Variants in PTPRT observed in about 807,000 individuals in gnomAD.
PTPRT encodes receptor-type tyrosine-protein phosphatase T.
A neutral mutation model predicts 176.8 loss-of-function variants in PTPRT; 56 were observed. The ratio of observed to expected loss-of-function variants is 0.32; its 90% CI spans 0.26 to 0.40. The LOEUF (loss-of-function observed/expected upper bound fraction) is 0.40, where lower values mean the gene tolerates loss of function less well. Ranked by LOEUF, PTPRT falls within the 10% of genes least tolerant of loss-of-function variation. The pLI, the probability that PTPRT is intolerant of heterozygous loss-of-function variation, is 1.00. For missense variants in PTPRT, 1,540 were observed against 1,908.2 expected (o/e 0.81, Z 3.60); for synonymous variants, 783 against 739.0 (o/e 1.06, Z -0.96).
intron 22 of PTPRT, among the ~76,000 whole-genome samples, chr20:42,114,107 A>T (rs1196616693): frequency 1.3e-5 from 2 of 152,244 alleles, no homozygotes; most frequent in African/African-American, 4.8e-5. Context: ...TTGCATCCTT[A>T]GGCCTGTGGC....
chr20:42,817,044 T>C (rs1375270643), intron 2 of PTPRT, among the ~76,000 whole-genome samples: 1 of 152,202 alleles, frequency 6.6e-6, no homozygotes, highest in East Asian at 1.9e-4. Context: ...TGAAGTAAAC[T>C]ATAGCATCTG....
At chr20:42,053,385 T>C in the PTPRT span, among the ~76,000 whole-genome samples, 10 of 152,138 alleles carry the variant, frequency 6.6e-5, no homozygotes, top group Non-Finnish European at 1.5e-5. Flanking sequence ...ATGCCTTCTG[T>C]TTCCCCACCT....
intron 9 of PTPRT, among the ~76,000 whole-genome samples, chr20:42,435,894 A>T (rs932107977): frequency 3.3e-5 from 5 of 152,180 alleles, no homozygotes; most frequent in African/African-American, 1.2e-4. Context: ...AATAAATATG[A>T]CTATGCATGG....
intron 1 of PTPRT, among the ~76,000 whole-genome samples, chr20:43,130,168 T>C (rs1007444934): frequency 6.6e-6 from 1 of 152,228 alleles, no homozygotes; most frequent in African/African-American, 2.4e-5. Context: ...CTTCATTTGT[T>C]TGTGCTCCTA....
At chr20:42,250,355 T>C (rs771865460) in intron 13 of PTPRT, among the ~76,000 whole-genome samples, 4 of 152,186 alleles carry the variant, frequency 2.6e-5, no homozygotes, top group Non-Finnish European at 2.9e-5. Flanking sequence ...TGGAAGCAAA[T>C]TGAGTTTTCT....
chr20:42,182,220 TG>T (rs1990554451), intron 16 of PTPRT, among the ~76,000 whole-genome samples: 1 of 152,204 alleles, frequency 6.6e-6, no homozygotes, highest in South Asian at 2.1e-4. Context: ...TTACTTCATC[TG>T]GAGGGCAATG....
intron 7 of PTPRT, among the ~76,000 whole-genome samples, chr20:42,557,906 CA>C (rs765146913): frequency 6.6e-6 from 1 of 152,150 alleles, no homozygotes; most frequent in Non-Finnish European, 1.5e-5. Flanking sequence ...TGGGCAATTA[CA>C]AATAGAAATA....
chr20:42,186,635 A>T (rs558049328), intron 16 of PTPRT, among the ~76,000 whole-genome samples: 1 of 152,262 alleles, frequency 6.6e-6, no homozygotes, highest in Non-Finnish European at 1.5e-5. Context: ...TCTTTAGCTT[A>T]TAAACAATCA....
chr20:42,807,423 A>G (rs2077627031), intron 2 of PTPRT, among the ~76,000 whole-genome samples: 1 of 152,068 alleles, frequency 6.6e-6, no homozygotes, highest in Non-Finnish European at 1.5e-5. Context: ...GGGATTCCCA[A>G]AGTCTCTTAA....
At chr20:43,025,613 G>C (rs940177447) in intron 1 of PTPRT, among the ~76,000 whole-genome samples, 15 of 152,150 alleles carry the variant, frequency 9.9e-5, no homozygotes, top group African/African-American at 3.4e-4. Context: ...CTACCTTTCA[G>C]AATAATTCAC....
At chr20:42,214,737 C>A (rs2055728197) in intron 15 of PTPRT, among the ~76,000 whole-genome samples, 1 of 152,220 alleles carries the variant, frequency 6.6e-6, no homozygotes, top group African/African-American at 2.4e-5. Context: ...ATTCTCTGCA[C>A]CCAGCAGTGA....
At chr20:42,990,298 G>A (rs1292589907) in intron 1 of PTPRT, among the ~76,000 whole-genome samples, 1 of 152,038 alleles carries the variant, frequency 6.6e-6, no homozygotes, top group South Asian at 2.1e-4. Context: ...TAGAGAAACG[G>A]TTGCCAACCT....
At chr20:42,037,769 G>A in the PTPRT span, among the ~76,000 whole-genome samples, 1 of 152,168 alleles carries the variant, frequency 6.6e-6, no homozygotes, top group East Asian at 1.9e-4. Context: ...GATAACTGAA[G>A]GACACTGAAG....
intron 1 of PTPRT, among the ~76,000 whole-genome samples, chr20:42,934,461 C>T (rs1007457572): frequency 1.5e-4 from 23 of 152,162 alleles, no homozygotes; most frequent in Non-Finnish European, 3.2e-4. Flanking sequence ...GGAATCCAGG[C>T]AGAGCTCAGC....
At chr20:43,142,907 C>T (rs1017855432) in intron 1 of PTPRT, among the ~76,000 whole-genome samples, 1 of 152,236 alleles carries the variant, frequency 6.6e-6, no homozygotes, top group Non-Finnish European at 1.5e-5. Flanking sequence ...AGCATGAGCA[C>T]TGCATGCTGG....
chr20:42,084,882 G>C, intron 28 of PTPRT, 37 bp from the exon 29 acceptor site: 1 of 1,366,174 alleles, frequency 7.3e-7, no homozygotes. Context: ...GTTCTGCTGG[G>C]GATGCTTGCG....
chr20:42,121,697 T>TTATATA (rs3086717), intron 19 of PTPRT, among the ~76,000 whole-genome samples: 4 of 140,518 alleles, frequency 2.8e-5, no homozygotes, highest in South Asian at 2.3e-4. Flanking sequence ...AAGAAATTTT[T>TTATATA]TATATATATA....
chr20:42,820,403 G>A (rs772167717), intron 2 of PTPRT, among the ~76,000 whole-genome samples: 2 of 152,018 alleles, frequency 1.3e-5, no homozygotes, highest in Non-Finnish European at 2.9e-5. Context: ...AGAATCTCTG[G>A]GACACAGCTA....
intron 9 of PTPRT, among the ~76,000 whole-genome samples, chr20:42,388,114 A>G (rs2058762813): frequency 6.6e-6 from 1 of 152,166 alleles, no homozygotes; most frequent in African/African-American, 2.4e-5. Context: ...TCTTCAGTGC[A>G]TAGGACAGTC....
Sources: gnomAD v4.1 joint callset for allele counts (sites outside exome capture counted in the v4.1 genomes callset) on GRCh38, gnomAD v4.1.1 for gene constraint, MANE v1.5 for transcripts, NCBI Gene and HGNC (gene_info 2026-07-23, HGNC 2026-07-21) for gene names.